TBCK: variants seen among roughly 807,000 people sequenced by gnomAD.
TBCK encodes the protein TBC domain-containing protein kinase-like protein.
TBCK carries 99 observed loss-of-function variants against 113.4 expected under a neutral mutation model. The observed-to-expected ratio is 0.87, with a 90% CI of 0.74 to 1.03. The LOEUF (loss-of-function observed/expected upper bound fraction) is 1.03. TBCK is among the 50% of genes least tolerant of loss of function. The pLI is 0.00. For missense variants in TBCK, 1,045 were observed against 1,061.3 expected (o/e 0.98, Z 0.21); for synonymous variants, 369 against 370.8 (o/e 1.00, Z 0.05).
intron 4 of TBCK, 85 bp from the exon 5 acceptor site, chr4:106,260,595 C>G (rs1044834442): frequency 2.3e-6 from 1 of 436,870 alleles, no homozygotes; most frequent in African/African-American, 2.1e-5. Context: ...TATCATTATA[C>G]ATTTTATAAC....
At chr4:106,171,007 C>T in intron 23 of TBCK, 88 bp downstream of exon 23, 1 of 982,948 alleles carries the variant, frequency 1.0e-6, no homozygotes, top group Non-Finnish European at 1.4e-6. Flanking sequence ...ATAAATGACA[C>T]CATTAAGAAC....
chr4:106,247,332 A>G (rs778324417), intron 9 of TBCK, 45 bp from the exon 10 acceptor site: 1 of 1,577,702 alleles, frequency 6.3e-7, no homozygotes, highest in Non-Finnish European at 8.7e-7. Context: ...AGTCATAAAA[A>G]ATTTCCTAGA....
At chr4:106,271,271 A>G (rs1249703288) in intron 3 of TBCK, among the ~76,000 whole-genome samples, 1 of 152,116 alleles carries the variant, frequency 6.6e-6, no homozygotes, top group Non-Finnish European at 1.5e-5. Context: ...ATAATCCCAT[A>G]ATGACCCAGG....
At chr4:106,170,407 TG>T (rs1750852379) in intron 23 of TBCK, among the ~76,000 whole-genome samples, 1 of 152,126 alleles carries the variant, frequency 6.6e-6, no homozygotes, top group Non-Finnish European at 1.5e-5. Flanking sequence ...GAAATTGCTC[TG>T]TATTCAATCA....
chr4:106,050,028 C>T (rs1288672464), intron 25 of TBCK, among the ~76,000 whole-genome samples: 1 of 151,980 alleles, frequency 6.6e-6, no homozygotes, highest in Non-Finnish European at 1.5e-5. Context: ...GAGCAAGTCA[C>T]TTTGCACTAG....
intron 2 of TBCK, among the ~76,000 whole-genome samples, chr4:106,306,308 C>T (rs1349589488): frequency 7.6e-6 from 1 of 131,482 alleles, no homozygotes; most frequent in Non-Finnish European, 1.6e-5. Context: ...TGGTCTCAAA[C>T]TCCTGGCCTC....
At chr4:106,092,252 T>G (rs369083029) in intron 25 of TBCK, among the ~76,000 whole-genome samples, 12 of 152,232 alleles carry the variant, frequency 7.9e-5, no homozygotes, top group African/African-American at 2.9e-4. Flanking sequence ...AGATACAGAG[T>G]GCTGATTGGT....
At chr4:106,059,069 T>C (rs1031978010) in intron 25 of TBCK, among the ~76,000 whole-genome samples, 2 of 151,638 alleles carry the variant, frequency 1.3e-5, no homozygotes, top group African/African-American at 4.8e-5. Flanking sequence ...GGCTGGGTGG[T>C]TTGGAGGAAA....
chr4:106,066,567 T>A (rs974740440), intron 25 of TBCK, among the ~76,000 whole-genome samples: 1 of 151,982 alleles, frequency 6.6e-6, no homozygotes, highest in South Asian at 2.1e-4. Flanking sequence ...TTTTTAAGTG[T>A]AGAATTCAGT....
At chr4:106,290,094 G>A (rs983651019) in intron 3 of TBCK, among the ~76,000 whole-genome samples, 6 of 152,102 alleles carry the variant, frequency 3.9e-5, no homozygotes, top group African/African-American at 1.4e-4. Context: ...CAATTTTAAT[G>A]TCAACTAGCT....
intron 25 of TBCK, among the ~76,000 whole-genome samples, chr4:106,070,511 A>C (rs558708981): frequency 8.5e-5 from 13 of 152,098 alleles, no homozygotes; most frequent in Admixed American, 4.6e-4. Context: ...TTGGTGGATA[A>C]GCTTTTTGAT....
At chr4:106,208,439 T>A (rs1399887548) in intron 20 of TBCK, among the ~76,000 whole-genome samples, 2 of 150,440 alleles carry the variant, frequency 1.3e-5, no homozygotes, top group Admixed American at 6.6e-5. Flanking sequence ...TTTTTTTGCA[T>A]ACTCACAAAC....
At chr4:106,153,535 T>C (rs1748765145) in intron 23 of TBCK, among the ~76,000 whole-genome samples, 1 of 152,160 alleles carries the variant, frequency 6.6e-6, no homozygotes, top group Admixed American at 6.5e-5. Context: ...AGGAAATTAA[T>C]ATGTATTCTG....
chr4:106,211,529 A>T (rs1756133669), intron 20 of TBCK, among the ~76,000 whole-genome samples: 1 of 152,140 alleles, frequency 6.6e-6, no homozygotes, highest in African/African-American at 2.4e-5. Context: ...AGTTGTATAC[A>T]CACATACACA....
At chr4:106,145,193 CTGTAG>C (rs1474722410) in intron 23 of TBCK, among the ~76,000 whole-genome samples, 1 of 152,002 alleles carries the variant, frequency 6.6e-6, no homozygotes, top group African/African-American at 2.4e-5. Context: ...TCGCGTGAGC[CTGTAG>C]TCCCAGCTAC....
chr4:106,187,873 T>G (rs1753205098), intron 22 of TBCK, among the ~76,000 whole-genome samples: 1 of 152,196 alleles, frequency 6.6e-6, no homozygotes, highest in Non-Finnish European at 1.5e-5. Flanking sequence ...TGTACAGAAG[T>G]GCTACTGATT....
Position 106,236,350 on chromosome 4 carries a change from T to C in TBCK, c.1350+40A>G, listed in dbSNP as rs777945240. 2.2e-6 allele frequency: 3 copies of C among 1,337,806 alleles called. No individual in the cohort carries two copies. The Admixed American group carries it at 8.8e-5, about 39-fold the overall frequency. The allele number at this position is 1,337,806 out of a possible 1,614,324, so 82.9% of individuals were successfully genotyped here. The stretch of plus-strand genomic sequence containing the variant: ...TTGAAAAAATTAAAAAAAAATTCCA[T>C]ATGGGCTATTGTTAACACTTTATAC... On this transcript the variant is annotated intron_variant, in intron 14 of 25. Transcript: ENST00000394708.
Position 106,046,668 on chromosome 4 carries a change from G to T in TBCK, c.2584C>A (p.Leu862Ile). ...ATTCTTGGATATTTCATCTTCACAA[G>T]GTGAGCTGCAAACTGGAAAAAAAAA... The part of the protein sequence containing the change: ...AKHTAEFAAH[L>I]VKMKYPRICI... Residue 862 changes from leucine (L) to isoleucine (I), a missense_variant, in exon 26 of 26, where the codon CTT becomes ATT. Coordinates refer to ENST00000394708, the MANE Select transcript of TBCK (RefSeq NM_001163435.3). 6.2e-7 allele frequency: 1 copy of T among 1,606,836 alleles called. No individual in the cohort carries two copies. Among genetic ancestry groups the T allele is most frequent in the South Asian group, 1.1e-5 (1 of 90,572 alleles).
At chr4:106,179,427 G>T (rs1286264137) in intron 22 of TBCK, among the ~76,000 whole-genome samples, 1 of 151,680 alleles carries the variant, frequency 6.6e-6, no homozygotes, top group African/African-American at 2.4e-5. Flanking sequence ...ATATATTTTG[G>T]TATATTTCCA....
Sources: gnomAD v4.1 joint callset for allele counts (sites outside exome capture counted in the v4.1 genomes callset) on GRCh38, gnomAD v4.1.1 for gene constraint, MANE v1.5 for transcripts, NCBI Gene and HGNC (gene_info 2026-07-23, HGNC 2026-07-21) for gene names.